The following NOL8 variants were observed in gnomAD, a reference collection of about 807,000 sequenced individuals.
NOL8 encodes the protein nucleolar protein 8, also known as nucleolar protein Nop132.
A neutral mutation model predicts 116.1 loss-of-function variants in NOL8; 93 were observed. That is an observed-to-expected ratio of 0.80 (90% CI 0.68 to 0.95). The LOEUF is 0.95. Among genes scored for constraint, NOL8 ranks in the 40% least tolerant of loss-of-function variants. The pLI, the probability that NOL8 is intolerant of heterozygous loss-of-function variation, is 0.00. For synonymous variants in NOL8, 419 were observed against 469.0 expected (o/e 0.89, Z 1.38); for missense variants, 1,291 against 1,382.8 (o/e 0.93, Z 1.05).
chr9:92,318,910 G>C (rs7873882), intron 5 of NOL8: 109,784 of 507,326 alleles, frequency 0.22, 14,492 homozygotes, highest in African/African-American at 0.46. Context: ...CGTGTAAGAT[G>C]GTTTACAAAA....
At chr9:92,319,099 T>G in intron 5 of NOL8, 122 bp downstream of exon 5, 1 of 1,058,298 alleles carries the variant, frequency 9.4e-7, no homozygotes, top group South Asian at 1.9e-5. Flanking sequence ...CCTATCTATG[T>G]TAATTGCCTC....
intron 6 of NOL8, 137 bp downstream of exon 6, chr9:92,318,481 G>T: frequency 1.5e-6 from 1 of 655,332 alleles, no homozygotes; most frequent in South Asian, 1.8e-5. Flanking sequence ...TTTCATACAT[G>T]TAGGTGAGTA....
rs1133908 is a variant in NOL8, at chr9:92,305,764, C to T, written c.2892G>A (p.Lys964=). 0.37 allele frequency: 599,134 copies of T among 1,600,836 alleles called. 122,267 individuals are homozygous for T. The highest frequency in any genetic ancestry group is 0.81 in the African/African-American group (60,788 of 74,596). ...HATYERKRDD[K]PKESKAKRKK... ...GTAGCTCTACTTACCTTTCTTTTGGCTTATCATCTCTTTTTCTTTCGTAAG... is the reference window on the plus strand; with the variant it reads ...GTAGCTCTACTTACCTTTCTTTTGGTTTATCATCTCTTTTTCTTTCGTAAG... The change falls in exon 12 of 17, where the codon AAG becomes AAA. Residue 964 remains lysine (K), a synonymous_variant. Coordinates refer to ENST00000442668, the MANE Select transcript of NOL8 (RefSeq NM_017948.6).
chr9:92,298,619 TA>T (rs1837451455), intron 15 of NOL8: 1 of 477,516 alleles, frequency 2.1e-6, no homozygotes, highest in Non-Finnish European at 3.7e-6. Flanking sequence ...TTTATGGCAC[TA>T]AAACTTAGGG....
intron 12 of NOL8, among the ~76,000 whole-genome samples, chr9:92,303,347 T>G (rs1177118973): frequency 6.6e-6 from 1 of 152,238 alleles, no homozygotes; most frequent in Non-Finnish European, 1.5e-5. Flanking sequence ...TTAAGGAATT[T>G]TTTTTATCAT....
chr9:92,299,970 C>G lies in NOL8; in HGVS notation c.3222G>C (p.Gln1074His), dbSNP rs1231895420. 6.2e-7 allele frequency: 1 copy of G among 1,613,516 alleles called. No homozygotes were observed. The highest frequency in any genetic ancestry group is 1.3e-5 in the African/African-American group (1 of 74,912). ...TGCTGTCTTGTAAACGAGGGTCTTC[C>G]TGCCAGACAATCTTTCCAGGTTTCA... Reference protein sequence around the residue: ...ETVKPGKIVWQEDPRLQDSSS... With the variant: ...ETVKPGKIVWHEDPRLQDSSS... Residue 1074 changes from glutamine (Q) to histidine (H), a missense_variant, in exon 14 of 17, where the codon CAG becomes CAC. Coordinates refer to ENST00000442668, the MANE Select transcript of NOL8 (RefSeq NM_017948.6).
chr9:92,313,290 G>A (rs1304119247), intron 7 of NOL8, among the ~76,000 whole-genome samples: 13 of 152,114 alleles, frequency 8.5e-5, no homozygotes, highest in Admixed American at 7.9e-4. Flanking sequence ...GGAGCCGTTC[G>A]ATTTGTTTTC....
At chr9:92,316,566 T>A (rs1839431548) in intron 6 of NOL8, among the ~76,000 whole-genome samples, 2 of 152,228 alleles carry the variant, frequency 1.3e-5, no homozygotes, top group Admixed American at 1.3e-4. Context: ...TGGCTATTTC[T>A]GTTCTCTCAG....
chr9:92,301,875 T>G, intron 12 of NOL8, 53 bp from the exon 13 acceptor site: 1 of 1,464,862 alleles, frequency 6.8e-7, no homozygotes, highest in Non-Finnish European at 9.0e-7. Flanking sequence ...TTTTGGGAAA[T>G]TTCCAGAAAT....
In NOL8 at chr9:92,301,578, C is replaced by CA; in HGVS notation, c.3147dup (p.Asp1050Ter). On this transcript the variant is annotated frameshift_variant, in exon 13 of 17. Coordinates refer to ENST00000442668, the MANE Select transcript of NOL8 (RefSeq NM_017948.6). LOFTEE classifies it high-confidence loss of function. ...TCCTTTATGTCTTTAGTGTCTGAATCAAAAAAAGAGAACGTGAACCCGCTG... is the reference window on the plus strand; with the variant it reads ...TCCTTTATGTCTTTAGTGTCTGAATCAAAAAAAAGAGAACGTGAACCCGCTG... 8.7e-6 allele frequency: 14 copies of CA among 1,600,944 alleles called. No individual in the cohort carries two copies. The highest frequency in any genetic ancestry group is 2.3e-5 in the South Asian group (2 of 88,710).
intron 6 of NOL8, among the ~76,000 whole-genome samples, chr9:92,317,087 G>A (rs1234942382): frequency 6.6e-6 from 1 of 152,062 alleles, no homozygotes; most frequent in Non-Finnish European, 1.5e-5. Flanking sequence ...CCAGTGGCAG[G>A]GACCACAGGC....
intron 4 of NOL8, among the ~76,000 whole-genome samples, chr9:92,320,658 G>A (rs188286872): frequency 6.6e-6 from 1 of 151,232 alleles, no homozygotes; most frequent in African/African-American, 2.4e-5. Context: ...CCAGGCTGGA[G>A]TGCAATGGCA....
chr9:92,310,041 G>A (rs992289315), intron 10 of NOL8, 130 bp downstream of exon 10: 1 of 647,634 alleles, frequency 1.5e-6, no homozygotes, highest in Non-Finnish European at 2.7e-6. Context: ...CTGTACATTT[G>A]ATTATAAACT....
Position 92,315,270 on chromosome 9 carries a change from TGA to T in NOL8, c.1353_1354del (p.His452LeufsTer3), listed in dbSNP as rs1839272835. 2 of 1,613,632 alleles carry T rather than the reference TGA, an allele frequency of 1.2e-6. No individual in the cohort carries two copies. Among genetic ancestry groups the T allele is most frequent in the Non-Finnish European group, 1.7e-6 (2 of 1,179,764 alleles). ...ATCAGCATCTTCACTGCTACTGGAGTGAGAGGGAGATTTACGATTAAGAGACT... is the reference window on the plus strand; with the variant it reads ...ATCAGCATCTTCACTGCTACTGGAGTGAGGGAGATTTACGATTAAGAGACT... On this transcript the variant is annotated frameshift_variant, in exon 7 of 17. Transcript: ENST00000442668. LOFTEE classifies it high-confidence loss of function.
chr9:92,324,141 C>T lies in NOL8; in HGVS notation c.21G>A (p.Thr7=). 2 of 1,613,676 alleles carry T rather than the reference C, an allele frequency of 1.2e-6. No homozygotes were observed. The highest frequency in any genetic ancestry group is 1.7e-6 in the Non-Finnish European group (2 of 1,179,694). Residue 7 remains threonine (T), a synonymous_variant, in exon 2 of 17, where the codon ACG becomes ACA. Coordinates refer to ENST00000442668, the MANE Select transcript of NOL8 (RefSeq NM_017948.6). The part of the protein sequence containing the change: MKVNRE[T]KRLYVGGLSQ... ...TAAGGCCACCCACATAAAGGCGCTT[C>T]GTTTCTCTGTTCACTTTCATGAAGG...
chr9:92,304,122 A>C (rs1838008358), intron 12 of NOL8, among the ~76,000 whole-genome samples: 1 of 152,200 alleles, frequency 6.6e-6, no homozygotes, highest in South Asian at 2.1e-4. Context: ...CAGGTTGAAA[A>C]AACTACTCAG....
chr9:92,317,986 G>C (rs865994528), intron 6 of NOL8, among the ~76,000 whole-genome samples: 2 of 125,184 alleles, frequency 1.6e-5, no homozygotes, highest in Non-Finnish European at 3.1e-5. Flanking sequence ...AGTGAGCCAA[G>C]ATTGTGCCAC....
Position 92,297,867 on chromosome 9 carries a change from TTA to T in NOL8, c.3471_3472del (p.His1157GlnfsTer18), listed in dbSNP as rs1837369015. The T allele has an allele frequency of 6.5e-7, 1 of 1,548,046 alleles. No homozygotes were observed. The highest frequency in any genetic ancestry group is 8.7e-7 in the Non-Finnish European group (1 of 1,145,804). ...TGGTTTCATTTTCCTTTTTGCGTCTTTATGTTTCTTTCGACAATCCTAGGAAA... is the reference window on the plus strand; with the variant it reads ...TGGTTTCATTTTCCTTTTTGCGTCTTTGTTTCTTTCGACAATCCTAGGAAA... On this transcript the variant is annotated frameshift_variant, in exon 17 of 17. Transcript: ENST00000442668. LOFTEE classifies it high-confidence loss of function.
At chr9:92,311,456 G>C (rs1317954135) in intron 7 of NOL8, among the ~76,000 whole-genome samples, 197 bp from the exon 8 acceptor site, 1 of 152,134 alleles carries the variant, frequency 6.6e-6, no homozygotes, top group Non-Finnish European at 1.5e-5. Context: ...CTATGCATCT[G>C]ACAAAGGTCT....
Sources: gnomAD v4.1 joint callset for allele counts (sites outside exome capture counted in the v4.1 genomes callset) on GRCh38, gnomAD v4.1.1 for gene constraint, MANE v1.5 for transcripts, NCBI Gene and HGNC (gene_info 2026-07-23, HGNC 2026-07-21) for gene names.